SCARA3: variants seen among roughly 807,000 people sequenced by gnomAD.
The protein encoded by SCARA3 is scavenger receptor class A member 3.
A neutral mutation model predicts 47.0 loss-of-function variants in SCARA3; 39 were observed. That is an observed-to-expected ratio of 0.83 (90% confidence interval 0.64 to 1.08). The LOEUF (loss-of-function observed/expected upper bound fraction) is 1.08, where lower values mean the gene tolerates loss of function less well. SCARA3 is among the 50% of genes least tolerant of loss of function. The probability of loss-of-function intolerance (pLI) is 0.00; values close to 1 mark genes in which losing one functional copy is unlikely to be tolerated. For missense variants in SCARA3, 724 were observed against 792.3 expected (o/e 0.91, Z 1.04); for synonymous variants, 356 against 334.1 (o/e 1.07, Z -0.71).
chr8:27,644,927 G>T (rs997077839), intron 1 of SCARA3, among the ~76,000 whole-genome samples: 1 of 151,880 alleles, frequency 6.6e-6, no homozygotes, highest in Non-Finnish European at 1.5e-5. Context: ...GGAAAAACAC[G>T]ACCCCCCCAA....
At chr8:27,721,846 T>A in the SCARA3 span, among the ~76,000 whole-genome samples, 44,873 of 152,012 alleles carry the variant, frequency 0.3, 7,094 homozygotes, top group Middle Eastern at 0.35. Context: ...CCAAGGCAGG[T>A]GGATCACTTG....
At chr8:27,656,068 A>G (rs1384538463) in intron 3 of SCARA3, among the ~76,000 whole-genome samples, 1 of 152,216 alleles carries the variant, frequency 6.6e-6, no homozygotes, top group Admixed American at 6.5e-5. Flanking sequence ...CACAATGCCT[A>G]TGTCATTCAC....
the SCARA3 span, among the ~76,000 whole-genome samples, chr8:27,684,001 C>T: frequency 1.1e-4 from 17 of 152,260 alleles, no homozygotes; most frequent in African/African-American, 4.1e-4. Context: ...GGCAAAGCTA[C>T]TCTGTGATGC....
the SCARA3 span, among the ~76,000 whole-genome samples, chr8:27,713,141 A>G: frequency 1.2e-3 from 185 of 152,380 alleles, 3 homozygotes; most frequent in South Asian, 0.017. Flanking sequence ...AAAAGATCCA[A>G]TTCAGAACCA....
chr8:27,657,462 C>T (rs187738678), intron 4 of SCARA3, among the ~76,000 whole-genome samples: 21 of 144,044 alleles, frequency 1.5e-4, no homozygotes, highest in Non-Finnish European at 2.4e-4. Flanking sequence ...TTTTTCAGCC[C>T]ATAACCCCCT....
rs1295589884 is a variant in SCARA3, at chr8:27,656,778, A to G, written c.227-4A>G. ...CCCCAGCTTCTCATCTGTTTTCCCT[A>G]CAGTTTTCAGAAAAGTGGACTCTCT... On this transcript the variant is annotated splice_region_variant and splice_polypyrimidine_tract_variant and intron_variant, in intron 3 of 5. Transcript: ENST00000301904. The G allele has an allele frequency of 1.3e-6, 2 of 1,581,068 alleles. No individual in the cohort carries two copies. Among genetic ancestry groups the G allele is most frequent in the Non-Finnish European group, 1.7e-6 (2 of 1,149,996 alleles).
chr8:27,727,002 G>C, the SCARA3 span, among the ~76,000 whole-genome samples: 2 of 152,194 alleles, frequency 1.3e-5, no homozygotes, highest in East Asian at 3.9e-4. Flanking sequence ...TTGAACTCCT[G>C]ACCTGCAGTT....
At chr8:27,724,442 T>C in the SCARA3 span, among the ~76,000 whole-genome samples, 1 of 152,086 alleles carries the variant, frequency 6.6e-6, no homozygotes, top group Non-Finnish European at 1.5e-5. Flanking sequence ...GGCGGGCAGA[T>C]CACAAGGTCG....
the SCARA3 span, among the ~76,000 whole-genome samples, chr8:27,722,548 G>C: frequency 6.6e-6 from 1 of 152,160 alleles, no homozygotes; most frequent in African/African-American, 2.4e-5. Flanking sequence ...TTCTCCAAAA[G>C]CCACCCACAG....
chr8:27,672,313 T>C lies in SCARA3; in HGVS notation c.*962T>C. On this transcript the variant is annotated 3_prime_UTR_variant, in exon 6 of 6. Transcript: ENST00000301904. ...AATCCAAGCAGGAGTTTCATCTGCA[T>C]GGGGGCACTCTGCAGGCCCTGGAAC... 1.0e-6 allele frequency: 1 copy of C among 985,432 alleles called. No individual in the cohort carries two copies. The highest frequency in any genetic ancestry group is 1.2e-6 in the Non-Finnish European group (1 of 829,956). 61.0% of individuals were successfully genotyped at this position (985,432 alleles called of 1,614,324 possible).
At chr8:27,714,383 T>G in the SCARA3 span, among the ~76,000 whole-genome samples, 1 of 151,762 alleles carries the variant, frequency 6.6e-6, no homozygotes, top group Non-Finnish European at 1.5e-5. Flanking sequence ...TTAGTAGAGA[T>G]GGGATTTCAC....
At chr8:27,651,836 T>C (rs113017341) in intron 3 of SCARA3, among the ~76,000 whole-genome samples, 33 of 152,348 alleles carry the variant, frequency 2.2e-4, no homozygotes, top group African/African-American at 7.5e-4. Context: ...GGCACCTGCC[T>C]CTGGGGACCC....
chr8:27,682,840 T>C, the SCARA3 span, among the ~76,000 whole-genome samples: 2 of 152,184 alleles, frequency 1.3e-5, no homozygotes, highest in Admixed American at 6.5e-5. Context: ...CAGGTATTGA[T>C]AGATAACTAC....
At chr8:27,718,377 T>C in the SCARA3 span, among the ~76,000 whole-genome samples, 1 of 152,236 alleles carries the variant, frequency 6.6e-6, no homozygotes, top group Non-Finnish European at 1.5e-5. Context: ...TTGCCTAATT[T>C]ATTTGGATTG....
At chr8:27,659,848 T>TAAAAAA (rs1164812144) in intron 5 of SCARA3, among the ~76,000 whole-genome samples, 29 of 40,358 alleles carry the variant, frequency 7.2e-4, no homozygotes, top group Non-Finnish European at 7.8e-4. Flanking sequence ...AGTCCTTATC[T>TAAAAAA]AAAAAAAAAA....
intron 3 of SCARA3, among the ~76,000 whole-genome samples, chr8:27,652,303 A>G (rs1472686881): frequency 6.6e-6 from 1 of 152,236 alleles, no homozygotes; most frequent in African/African-American, 2.4e-5. Flanking sequence ...TCTGCCTTCC[A>G]GATGCTGACA....
chr8:27,664,487 C>T (rs1424976595), intron 5 of SCARA3, among the ~76,000 whole-genome samples: 1 of 152,148 alleles, frequency 6.6e-6, no homozygotes, highest in East Asian at 1.9e-4. Context: ...TGACCCCTCT[C>T]CAATGCTCTG....
chr8:27,722,340 G>A, the SCARA3 span, among the ~76,000 whole-genome samples: 548 of 152,210 alleles, frequency 3.6e-3, 11 homozygotes, highest in South Asian at 2.9e-3. Context: ...TAGATGTGAA[G>A]ATGCATGAAG....
intron 5 of SCARA3, among the ~76,000 whole-genome samples, chr8:27,669,513 A>G (rs1171610874): frequency 3.3e-5 from 5 of 152,234 alleles, no homozygotes; most frequent in Non-Finnish European, 1.5e-5. Context: ...CTGCAGGCCA[A>G]GGGCATCTCC....
Sources: gnomAD v4.1 joint callset for allele counts (sites outside exome capture counted in the v4.1 genomes callset) on GRCh38, gnomAD v4.1.1 for gene constraint, MANE v1.5 for transcripts, NCBI Gene and HGNC (gene_info 2026-07-23, HGNC 2026-07-21) for gene names.